The following CENPC variants were observed in gnomAD, a reference collection of about 807,000 sequenced individuals.
The protein encoded by CENPC is centromere protein C.
CENPC carries 63 observed loss-of-function variants against 112.1 expected under a neutral mutation model. The observed-to-expected ratio is 0.56, with a 90% CI of 0.46 to 0.69. CENPC has a LOEUF of 0.69. Ranked by LOEUF, CENPC falls within the 30% of genes least tolerant of loss-of-function variation. The probability of loss-of-function intolerance (pLI) is 0.00; values close to 1 mark genes in which losing one functional copy is unlikely to be tolerated. For missense variants in CENPC, 1,000 were observed against 1,103.8 expected, an observed-to-expected ratio of 0.91 and a Z score of 1.33; for synonymous variants, 333 against 367.6, an observed-to-expected ratio of 0.91 and a Z score of 1.08.
At chr4:67,487,463 GACCCA>G (rs1725124780) in intron 17 of CENPC, among the ~76,000 whole-genome samples, 1 of 151,688 alleles carries the variant, frequency 6.6e-6, no homozygotes, top group African/African-American at 2.4e-5. Flanking sequence ...CCTGAAACAT[GACCCA>G]ATCTTAATGG....
chr4:67,484,926 T>C (rs1461644372), intron 17 of CENPC, among the ~76,000 whole-genome samples: 2 of 152,014 alleles, frequency 1.3e-5, no homozygotes, highest in Non-Finnish European at 2.9e-5. Flanking sequence ...ACCCCATCTC[T>C]ATGAAAAATA....
chr4:67,539,824 C>T lies in CENPC; in HGVS notation c.231+16G>A. 2.2e-6 allele frequency: 3 copies of T among 1,394,570 alleles called. No individual in the cohort carries two copies. Among genetic ancestry groups the T allele is most frequent in the Non-Finnish European group, 2.9e-6 (3 of 1,023,900 alleles). The allele number at this position is 1,394,570 out of a possible 1,614,324, so 86.4% of individuals were successfully genotyped here. ...TTAAAATATTAAACCTATACCAGCTCTTCTTTATCACTTACCTCTTTGCTT... is the reference window on the plus strand; with the variant it reads ...TTAAAATATTAAACCTATACCAGCTTTTCTTTATCACTTACCTCTTTGCTT... On this transcript the variant is annotated intron_variant, in intron 4 of 18. Transcript: ENST00000273853.
rs1053476114 is a variant in CENPC at position 67,470,649 on chromosome 4, T to G, written c.*1956A>C. ...TGCTAAAGCTTTGGAAAAGAACTGT[T>G]GGAATCTGTGGCCTCCTTGAGTGAG... On this transcript the variant is annotated 3_prime_UTR_variant, in exon 19 of 19. Coordinates refer to ENST00000273853, the MANE Select transcript of CENPC (RefSeq NM_001812.4). 1.5e-4 allele frequency: 23 copies of G among 151,878 alleles called. No individual in the cohort carries two copies. The highest frequency in any genetic ancestry group is 5.3e-4 in the Admixed American group (8 of 15,238). The allele number at this position is 151,878 out of a possible 1,614,324, so 9.4% of individuals were successfully genotyped here.
intron 10 of CENPC, among the ~76,000 whole-genome samples, chr4:67,507,675 G>C (rs1171362287): frequency 1.3e-5 from 2 of 152,030 alleles, no homozygotes; most frequent in Admixed American, 1.3e-4. Context: ...CATTCAAAGA[G>C]AATTACGACA....
At chr4:67,524,703 T>A (rs931855480) in intron 5 of CENPC, among the ~76,000 whole-genome samples, 1 of 152,012 alleles carries the variant, frequency 6.6e-6, no homozygotes, top group African/African-American at 2.4e-5. Flanking sequence ...GAGAAAAAAA[T>A]TCCATGCTCA....
At position 67,545,330 on chromosome 4, in the gene CENPC, G is replaced by GC; in HGVS notation, c.18+7dup. 6.6e-7 allele frequency: 1 copy of GC among 1,510,938 alleles called. No homozygotes were observed. Among genetic ancestry groups the GC allele is most frequent in the Middle Eastern group, 1.7e-4 (1 of 5,822 alleles). The allele number at this position is 1,510,938 out of a possible 1,614,324, so 93.6% of individuals were successfully genotyped here. Reference sequence around the variant, plus strand: ...ACCACTCGCCTGGAGCGGGGGGCCTGCACTTACCAGACCGGACGCAGCCAT... The same window carrying GC: ...ACCACTCGCCTGGAGCGGGGGGCCTGCCACTTACCAGACCGGACGCAGCCAT... On this transcript the variant is annotated splice_region_variant and intron_variant, in intron 1 of 18. Transcript: ENST00000273853.
At chr4:67,494,040 C>T in intron 13 of CENPC, 52 bp from the exon 14 acceptor site, 2 of 1,073,388 alleles carry the variant, frequency 1.9e-6, no homozygotes, top group Non-Finnish European at 2.7e-6. Flanking sequence ...GTTGATGGTA[C>T]TTAGCAGTGG....
intron 9 of CENPC, chr4:67,511,140 G>T (rs532240754): frequency 2.3e-6 from 1 of 441,110 alleles, no homozygotes; most frequent in Non-Finnish European, 4.6e-6. Context: ...ACTCAATGAG[G>T]TAATCATGTT....
chr4:67,488,945 AT>A (rs1391955639), intron 17 of CENPC, among the ~76,000 whole-genome samples: 1 of 151,796 alleles, frequency 6.6e-6, no homozygotes, highest in Non-Finnish European at 1.5e-5. Context: ...AGTCTTCACA[AT>A]TTTTCCCTCC....
At chr4:67,505,003 T>G in intron 12 of CENPC, 1 of 548,292 alleles carries the variant, frequency 1.8e-6, no homozygotes, top group Non-Finnish European at 3.2e-6. Context: ...AATATTTCAT[T>G]ATGTTCTACT....
In CENPC at chr4:67,514,361, G is replaced by C. The variant is rs752427711; in HGVS notation, c.1157C>G (p.Ala386Gly). 7 of 1,612,822 alleles carry C rather than the reference G, an allele frequency of 4.3e-6. No individual in the cohort carries two copies. The highest frequency in any genetic ancestry group is 5.1e-6 in the Non-Finnish European group (6 of 1,179,108). ...SDKTVLDTSYALIGETVNNYR... is the reference protein window; with the variant it reads ...SDKTVLDTSYGLIGETVNNYR... ...ATTATTTACTGTTTCACCTATCAAAGCATAACTTGTATCCAGTACTGTTTT... is the reference window on the plus strand; with the variant it reads ...ATTATTTACTGTTTCACCTATCAAACCATAACTTGTATCCAGTACTGTTTT... Residue 386 changes from alanine to glycine, a missense_variant, in exon 8 of 19, where the codon GCT becomes GGT. Ala to Gly is a moderately conservative substitution (Grantham distance 60). Coordinates refer to ENST00000273853, the MANE Select transcript of CENPC (RefSeq NM_001812.4).
At chr4:67,526,255 C>G (rs1199343738) in intron 5 of CENPC, among the ~76,000 whole-genome samples, 2 of 151,810 alleles carry the variant, frequency 1.3e-5, no homozygotes, top group African/African-American at 4.8e-5. Context: ...TTGATAGGTG[C>G]AGCAAACCAC....
intron 7 of CENPC, among the ~76,000 whole-genome samples, chr4:67,517,843 A>C (rs1560436059): frequency 1.3e-5 from 2 of 152,090 alleles, no homozygotes; most frequent in Admixed American, 6.6e-5. Flanking sequence ...TCTCAAAATA[A>C]ATACATACAT....
intron 5 of CENPC, among the ~76,000 whole-genome samples, chr4:67,524,279 C>A (rs1306892340): frequency 6.6e-6 from 1 of 152,058 alleles, no homozygotes. Flanking sequence ...GACAAGGATG[C>A]CCTCTCTCAC....
At chr4:67,514,713 G>A (rs1726008463) in intron 7 of CENPC, 26 bp from the exon 8 acceptor site, 2 of 1,531,164 alleles carry the variant, frequency 1.3e-6, no homozygotes, top group Non-Finnish European at 1.8e-6. Flanking sequence ...ACTTTTAACA[G>A]TTCAAAAAAA....
intron 14 of CENPC, 42 bp downstream of exon 14, chr4:67,493,842 A>G: frequency 7.2e-7 from 1 of 1,390,836 alleles, no homozygotes; most frequent in Non-Finnish European, 1.0e-6. Flanking sequence ...CATAGTAAAC[A>G]AATTTTTTAT....
intron 17 of CENPC, among the ~76,000 whole-genome samples, chr4:67,477,169 C>T (rs1724828410): frequency 1.3e-5 from 2 of 152,156 alleles, no homozygotes; most frequent in Non-Finnish European, 2.9e-5. Flanking sequence ...CTGTGGCAAC[C>T]TTGTATCAGC....
Position 67,544,609 on chromosome 4 carries a change from C to A in CENPC, c.19-414G>T, listed in dbSNP as rs557937229. Among the ~76,000 whole-genome samples, 4 of 152,136 alleles carry A rather than the reference C, an allele frequency of 2.6e-5. No homozygotes were observed. The South Asian group carries it at 8.3e-4, about 32-fold the overall frequency. On this transcript the variant is annotated intron_variant, in intron 1 of 18. Transcript: ENST00000273853. ...GAGATAAATTAGAAAAGAAATGATACGGATTTTTATATAGTAACCATAACC... is the reference window on the plus strand; with the variant it reads ...GAGATAAATTAGAAAAGAAATGATAAGGATTTTTATATAGTAACCATAACC...
intron 12 of CENPC, among the ~76,000 whole-genome samples, chr4:67,500,592 GCA>G (rs1033883789): frequency 2.0e-5 from 3 of 152,062 alleles, no homozygotes; most frequent in African/African-American, 7.2e-5. Context: ...CATGACAAAA[GCA>G]CACAGAGACC....
Sources: allele counts gnomAD v4.1 joint callset (sites outside exome capture counted in the v4.1 genomes callset), GRCh38; gene constraint gnomAD v4.1.1; transcripts MANE v1.5; gene names NCBI Gene and HGNC (gene_info 2026-07-23, HGNC 2026-07-21).